Variants in COL25A1 observed in about 807,000 individuals in gnomAD.
COL25A1 encodes collagen alpha-1(XXV) chain.
A neutral mutation model predicts 128.4 loss-of-function variants in COL25A1; 103 were observed. The observed-to-expected ratio is 0.80, with a 90% CI of 0.68 to 0.94. The LOEUF is 0.94. COL25A1 is among the 40% of genes least tolerant of loss of function. The pLI, the probability that COL25A1 is intolerant of heterozygous loss-of-function variation, is 0.00. For synonymous variants in COL25A1, 279 were observed against 277.2 expected, an observed-to-expected ratio of 1.01 and a Z score of -0.06; for missense variants, 745 against 840.0, an observed-to-expected ratio of 0.89 and a Z score of 1.40.
rs987407198 is a variant in COL25A1, at chr4:108,809,210, T to C, written c.*4717A>G. 1 of 152,128 alleles carries C rather than the reference T, an allele frequency of 6.6e-6. No homozygotes were observed. The highest frequency in any genetic ancestry group is 2.4e-5 in the African/African-American group (1 of 41,442). The allele number at this position is 152,128 out of a possible 1,614,324, so 9.4% of individuals were successfully genotyped here. On this transcript the variant is annotated 3_prime_UTR_variant, in exon 38 of 38. Coordinates refer to ENST00000399132, the MANE Select transcript of COL25A1 (RefSeq NM_198721.4). ...TATTTTTTTTTGCATATTTCACTTA[T>C]TTTGTATTTATGTGAGTTTTTGGCA...
chr4:108,919,976 G>T (rs1465383803), intron 12 of COL25A1, among the ~76,000 whole-genome samples: 2 of 152,184 alleles, frequency 1.3e-5, no homozygotes, highest in South Asian at 2.1e-4. Context: ...TGGTCAGGCT[G>T]GTCTCTAACT....
intron 11 of COL25A1, among the ~76,000 whole-genome samples, chr4:108,926,743 A>G (rs1452474000): frequency 3.9e-5 from 6 of 151,916 alleles, no homozygotes; most frequent in Admixed American, 3.9e-4. Context: ...AGATGCATGT[A>G]TATAAAATGC....
chr4:108,931,654 G>T (rs574609891), intron 11 of COL25A1, among the ~76,000 whole-genome samples: 5 of 152,276 alleles, frequency 3.3e-5, no homozygotes, highest in African/African-American at 1.2e-4. Flanking sequence ...AGAAGTCTGT[G>T]CACGTAGGAA....
At chr4:108,942,969 T>TG (rs1748317559) in intron 8 of COL25A1, among the ~76,000 whole-genome samples, 2 of 152,016 alleles carry the variant, frequency 1.3e-5, no homozygotes, top group Admixed American at 1.3e-4. Context: ...TTGGCCAGGC[T>TG]GGTCTCAAAC....
Position 108,817,531 on chromosome 4 carries a change from C to T in COL25A1, c.1924-96G>A. On this transcript the variant is annotated intron_variant, in intron 36 of 37. Transcript: ENST00000399132. ...CAGAGGCTTAAAAATAAATTTCTAC[C>T]CATTAGTGACTTTGGTCATGGGCAT... The T allele has an allele frequency of 5.3e-6, 6 of 1,133,220 alleles. No individual in the cohort carries two copies. In the South Asian group the frequency reaches 9.0e-5, roughly 17 times the overall value. 70.2% of individuals were successfully genotyped at this position (1,133,220 alleles called of 1,614,324 possible). A position where few individuals can be genotyped will look rare whatever the true frequency, so the allele number is the denominator to read the frequency against.
At chr4:109,184,479 C>T (rs1314096775) in intron 3 of COL25A1, among the ~76,000 whole-genome samples, 1 of 152,124 alleles carries the variant, frequency 6.6e-6, no homozygotes, top group Non-Finnish European at 1.5e-5. Flanking sequence ...AAGACGCAAG[C>T]CGGCTGCACT....
At chr4:109,265,182 T>G (rs1781703990) in intron 3 of COL25A1, among the ~76,000 whole-genome samples, 1 of 152,214 alleles carries the variant, frequency 6.6e-6, no homozygotes, top group African/African-American at 2.4e-5. Context: ...TAGAAAATCC[T>G]CAAGTTTTCA....
chr4:108,947,601 G>C (rs1748926237), intron 8 of COL25A1, among the ~76,000 whole-genome samples: 1 of 152,134 alleles, frequency 6.6e-6, no homozygotes, highest in Non-Finnish European at 1.5e-5. Context: ...CAACTACAAA[G>C]AAGATGAAAA....
intron 19 of COL25A1, among the ~76,000 whole-genome samples, chr4:108,875,567 T>A (rs1739346059): frequency 6.6e-6 from 1 of 152,168 alleles, no homozygotes; most frequent in Non-Finnish European, 1.5e-5. Flanking sequence ...AAACAGCACA[T>A]GCTGGAGAGG....
At chr4:108,869,641 A>G (rs1486628933) in intron 19 of COL25A1, among the ~76,000 whole-genome samples, 27 of 152,190 alleles carry the variant, frequency 1.8e-4, no homozygotes, top group Non-Finnish European at 1.5e-5. Context: ...TGGAAAATAC[A>G]CTACATATTT....
At chr4:108,948,298 C>T (rs1749012880) in intron 8 of COL25A1, among the ~76,000 whole-genome samples, 1 of 152,060 alleles carries the variant, frequency 6.6e-6, no homozygotes, top group African/African-American at 2.4e-5. Context: ...TAAAGCTAAA[C>T]AGCTAAAGGA....
At chr4:109,217,613 A>T (rs574004425) in intron 3 of COL25A1, among the ~76,000 whole-genome samples, 7 of 152,234 alleles carry the variant, frequency 4.6e-5, no homozygotes, top group African/African-American at 1.7e-4. Flanking sequence ...ATATCTAGTT[A>T]AAATCATTTC....
At position 108,852,937 on chromosome 4, in the gene COL25A1, A is replaced by C. The variant is rs1405304440; in HGVS notation, c.1321-12T>G. The stretch of plus-strand genomic sequence containing the variant: ...AAGGTGGTAATCCTCTGTTGGGAAA[A>C]TGTGTTGACAAAGACAGAGTTATCT... On this transcript the variant is annotated splice_polypyrimidine_tract_variant and intron_variant, in intron 24 of 37. Coordinates refer to ENST00000399132, the MANE Select transcript of COL25A1 (RefSeq NM_198721.4). 6.2e-7 allele frequency: 1 copy of C among 1,608,152 alleles called. No individual in the cohort carries two copies. The highest frequency in any genetic ancestry group is 8.5e-7 in the Non-Finnish European group (1 of 1,176,068).
intron 3 of COL25A1, among the ~76,000 whole-genome samples, chr4:109,088,353 T>G (rs10452148): frequency 1.4e-3 from 217 of 152,332 alleles, no homozygotes; most frequent in African/African-American, 5.1e-3. Flanking sequence ...AAAACTGAAC[T>G]GAGGCTAAAT....
intron 3 of COL25A1, among the ~76,000 whole-genome samples, chr4:109,256,295 A>G (rs534122261): frequency 1.1e-3 from 162 of 152,206 alleles, no homozygotes; most frequent in Non-Finnish European, 1.9e-3. Flanking sequence ...TTTTCTTCAG[A>G]TCAAATTCAC....
At chr4:108,953,644 G>A (rs1165516404) in intron 8 of COL25A1, among the ~76,000 whole-genome samples, 1 of 152,112 alleles carries the variant, frequency 6.6e-6, no homozygotes, top group African/African-American at 2.4e-5. Flanking sequence ...ACAGATGAAA[G>A]CAGACCTAGT....
intron 3 of COL25A1, among the ~76,000 whole-genome samples, chr4:109,059,784 T>G (rs1475944282): frequency 6.6e-6 from 1 of 152,198 alleles, no homozygotes; most frequent in African/African-American, 2.4e-5. Context: ...AATATTGATC[T>G]TTTAGAAAGG....
At chr4:109,174,070 G>A (rs1412775540) in intron 3 of COL25A1, among the ~76,000 whole-genome samples, 1 of 152,128 alleles carries the variant, frequency 6.6e-6, no homozygotes, top group Non-Finnish European at 1.5e-5. Context: ...TACTGAGAGA[G>A]GTGCTAGCCC....
intron 20 of COL25A1, 86 bp from the exon 21 acceptor site, chr4:108,863,473 A>G (rs1385963091): frequency 6.6e-6 from 7 of 1,067,484 alleles, no homozygotes; most frequent in Non-Finnish European, 1.4e-6. Flanking sequence ...GAAGGAAACC[A>G]AAGAAAGCAG....
Sources: allele counts gnomAD v4.1 joint callset (sites outside exome capture counted in the v4.1 genomes callset), GRCh38; gene constraint gnomAD v4.1.1; transcripts MANE v1.5; gene names NCBI Gene and HGNC (gene_info 2026-07-23, HGNC 2026-07-21).